TLK2: variants seen among roughly 807,000 people sequenced by gnomAD.
The protein encoded by TLK2 is serine/threonine-protein kinase tousled-like 2.
A neutral mutation model predicts 117.3 loss-of-function variants in TLK2; 6 were observed. The observed-to-expected ratio is 0.05, with a 90% CI of 0.03 to 0.10. TLK2 has a LOEUF of 0.10. TLK2 is among the 10% of genes least tolerant of loss of function. TLK2 has a pLI of 1.00. For missense variants in TLK2, 299 were observed against 901.2 expected, an observed-to-expected ratio of 0.33 and a Z score of 8.56; for synonymous variants, 257 against 316.7, an observed-to-expected ratio of 0.81 and a Z score of 2.00.
intron 6 of TLK2, among the ~76,000 whole-genome samples, chr17:62,532,514 TA>T (rs1389836542): frequency 3.9e-5 from 6 of 152,204 alleles, no homozygotes; most frequent in East Asian, 3.9e-4. Context: ...ATTTTACTTT[TA>T]TTTTTTTTGA....
chr17:62,587,973 G>A (rs59351129), intron 16 of TLK2, among the ~76,000 whole-genome samples: 1 of 148,410 alleles, frequency 6.7e-6, no homozygotes, highest in African/African-American at 2.5e-5. Context: ...TAAAATATAC[G>A]TATACATCTG....
At chr17:62,531,419 A>G (rs547590084) in intron 6 of TLK2, among the ~76,000 whole-genome samples, 3 of 152,310 alleles carry the variant, frequency 2.0e-5, no homozygotes, top group East Asian at 3.9e-4. Flanking sequence ...TTTCCTGCAG[A>G]TATTTTCAAG....
At chr17:62,578,341 C>A in intron 13 of TLK2, 136 bp from the exon 14 acceptor site, 1 of 692,148 alleles carries the variant, frequency 1.4e-6, no homozygotes, top group Non-Finnish European at 2.5e-6. Context: ...GATTAAAATT[C>A]TTAAAGAAAT....
In TLK2 at chr17:62,479,657, C is replaced by G. The variant is rs191839520; in HGVS notation, c.-6+367C>G. On this transcript the variant is annotated intron_variant, in intron 1 of 21. Transcript: ENST00000346027. ...AAAGTTTGGAGCCGGCGAGGGGCGC[C>G]GGGACCAGGCCCCATCGCTCCTGCT... 3.4e-3 allele frequency among the ~76,000 whole-genome samples: 525 copies of G among 152,296 alleles called. 3 individuals are homozygous for G. The highest frequency in any genetic ancestry group is 0.012 in the African/African-American group (490 of 41,570).
intron 2 of TLK2, among the ~76,000 whole-genome samples, chr17:62,487,620 C>CT (rs71155932): frequency 0.77 from 79,752 of 104,136 alleles, 32,725 homozygotes; most frequent in East Asian, 0.86. Context: ...TGGCAAGTAT[C>CT]TTTTTTTTTT....
upstream of TLK2, among the ~76,000 whole-genome samples, chr17:62,475,323 C>A (rs138521434): frequency 1.7e-3 from 265 of 152,226 alleles, 6 homozygotes; most frequent in South Asian, 0.033. Flanking sequence ...CTGTTCTACA[C>A]TGGCCTGTCA....
At chr17:62,555,679 AT>A in intron 9 of TLK2, among the ~76,000 whole-genome samples, 1 of 152,006 alleles carries the variant, frequency 6.6e-6, no homozygotes, top group Non-Finnish European at 1.5e-5. Context: ...GGGTTTCACC[AT>A]GTTGGTCAGG....
At chr17:62,584,575 G>T (rs931801898) in intron 15 of TLK2, among the ~76,000 whole-genome samples, 1 of 152,128 alleles carries the variant, frequency 6.6e-6, no homozygotes, top group Non-Finnish European at 1.5e-5. Flanking sequence ...AATATTTTGA[G>T]AGGCCAAGGT....
intron 15 of TLK2, among the ~76,000 whole-genome samples, chr17:62,581,625 G>A (rs1235151684): frequency 1.3e-5 from 2 of 151,540 alleles, no homozygotes; most frequent in African/African-American, 2.4e-5. Flanking sequence ...TTTTTTTATA[G>A]TGACAGGGTT....
intron 10 of TLK2, among the ~76,000 whole-genome samples, chr17:62,562,662 A>G (rs901669865): frequency 9.9e-5 from 15 of 152,206 alleles, no homozygotes; most frequent in African/African-American, 3.4e-4. Context: ...GACAGATCCA[A>G]GGGTTGGTGA....
intron 20 of TLK2, among the ~76,000 whole-genome samples, chr17:62,607,679 G>A (rs554614978): frequency 2.6e-5 from 4 of 152,204 alleles, no homozygotes; most frequent in Admixed American, 1.3e-4. Flanking sequence ...TGAGGCACAG[G>A]TGTGTATTTC....
chr17:62,484,330 C>T (rs552071794), intron 2 of TLK2, among the ~76,000 whole-genome samples: 2 of 151,236 alleles, frequency 1.3e-5, no homozygotes, highest in Non-Finnish European at 1.5e-5. Context: ...GAGATTCACT[C>T]TTGTTGCCCA....
In TLK2 at chr17:62,602,315, A is replaced by T. The variant is rs1467477619; in HGVS notation, c.1859+135A>T. ...TAAACCAAAGCAGACTTTCTCCCCA[A>T]ATCATTACTGTCTTTTCAACAGTTT... On this transcript the variant is annotated intron_variant, in intron 19 of 21. Transcript: ENST00000346027. The T allele has an allele frequency of 6.5e-6, 5 of 773,238 alleles. No individual in the cohort carries two copies. In the East Asian group the frequency reaches 1.4e-4, roughly 22 times the overall value. 47.9% of individuals were successfully genotyped at this position (773,238 alleles called of 1,614,324 possible).
intron 2 of TLK2, among the ~76,000 whole-genome samples, chr17:62,503,212 G>A (rs1219783195): frequency 1.3e-5 from 2 of 151,426 alleles, no homozygotes; most frequent in East Asian, 1.9e-4. Flanking sequence ...GGCACATGCC[G>A]CCATGCTTGG....
chr17:62,526,673 C>T (rs543154306), intron 6 of TLK2, among the ~76,000 whole-genome samples: 77 of 137,906 alleles, frequency 5.6e-4, no homozygotes, highest in African/African-American at 1.8e-3. Flanking sequence ...AACTGCTCTT[C>T]CTGTAATCTG....
At chr17:62,579,438 C>T (rs986224475) in intron 14 of TLK2, among the ~76,000 whole-genome samples, 6 of 152,174 alleles carry the variant, frequency 3.9e-5, no homozygotes, top group African/African-American at 1.4e-4. Flanking sequence ...AGTAATGTCT[C>T]TCCAGATAGG....
At chr17:62,559,479 G>C (rs1469696580) in intron 9 of TLK2, among the ~76,000 whole-genome samples, 1 of 151,566 alleles carries the variant, frequency 6.6e-6, no homozygotes, top group South Asian at 2.1e-4. Flanking sequence ...TTGAGTTCAA[G>C]CGATTCTCCC....
chr17:62,594,830 A>ACC (rs1555657015), intron 16 of TLK2, among the ~76,000 whole-genome samples: 17 of 137,792 alleles, frequency 1.2e-4, no homozygotes, highest in African/African-American at 3.6e-4. Flanking sequence ...ACACACACAC[A>ACC]CCCCATGTGG....
rs1165633351 is a variant in TLK2, at chr17:62,615,270, T to C, written c.*2705T>C. The C allele has an allele frequency of 6.6e-6, 1 of 152,234 alleles. No homozygotes were observed. The highest frequency in any genetic ancestry group is 6.5e-5 in the Admixed American group (1 of 15,276). 9.4% of individuals were successfully genotyped at this position (152,234 alleles called of 1,614,324 possible). ...CATTGACTGTCTTTCAAGCAGCCAG[T>C]GAAATCACTAAGTGGGGTTCTTCCA... is the stretch of plus-strand genomic sequence containing the variant. On this transcript the variant is annotated 3_prime_UTR_variant, in exon 22 of 22. Transcript: ENST00000346027.
Sources: allele counts gnomAD v4.1 joint callset (sites outside exome capture counted in the v4.1 genomes callset), GRCh38; gene constraint gnomAD v4.1.1; transcripts MANE v1.5; gene names NCBI Gene and HGNC (gene_info 2026-07-23, HGNC 2026-07-21).